The following DHX30 variants were observed in gnomAD, a reference collection of about 807,000 sequenced individuals.
DHX30 encodes ATP-dependent RNA helicase DHX30.
Under a neutral mutation model 116.9 loss-of-function variants are expected in DHX30, and 4 were observed. The ratio of observed to expected loss-of-function variants is 0.03; its 90% CI spans 0.02 to 0.08. The LOEUF (loss-of-function observed/expected upper bound fraction) is 0.08. Among genes scored for constraint, DHX30 ranks in the 10% least tolerant of loss-of-function variants. The pLI, the probability that DHX30 is intolerant of heterozygous loss-of-function variation, is 1.00. For missense variants in DHX30, 871 were observed against 1,595.1 expected (o/e 0.55, Z 7.73); for synonymous variants, 697 against 651.7 (o/e 1.07, Z -1.06).
chr3:47,824,897 A>C (rs1559698318), intron 4 of DHX30: 3 of 476,160 alleles, frequency 6.3e-6, no homozygotes, highest in African/African-American at 4.1e-5. Context: ...GTGGTGAGCG[A>C]GGACGGGCTG....
chr3:47,812,959 G>A (rs2035869291), intron 3 of DHX30, among the ~76,000 whole-genome samples: 2 of 150,634 alleles, frequency 1.3e-5, no homozygotes, highest in South Asian at 4.3e-4. Flanking sequence ...GCCACCAGCA[G>A]GAGATTACAT....
At chr3:47,819,126 C>G (rs941762927) in intron 4 of DHX30, 20 of 943,578 alleles carry the variant, frequency 2.1e-5, no homozygotes, top group Middle Eastern at 5.0e-4. Flanking sequence ...TTCTAGCCCC[C>G]TGACCATTTG....
At chr3:47,814,438 A>C (rs1174591699) in intron 3 of DHX30, among the ~76,000 whole-genome samples, 2 of 150,108 alleles carry the variant, frequency 1.3e-5, no homozygotes, top group Non-Finnish European at 3.0e-5. Flanking sequence ...ACAAAAAAAA[A>C]AAAAAAAAAA....
chr3:47,850,113 A>T lies in DHX30; in HGVS notation c.3578A>T (p.Asp1193Val). 1 of 1,588,668 alleles carries T rather than the reference A, an allele frequency of 6.3e-7. No individual in the cohort carries two copies. Residue 1193 changes from aspartate to valine, a missense_variant, in exon 22 of 22, where the codon GAC becomes GTC. This residue lies in a region of DHX30 where 52 missense variants were observed against 50.1 expected (regional missense o/e 1.04). Transcript: ENST00000445061. ...CGSFDVRKTADD is the reference protein window; with the variant it reads ...CGSFDVRKTAVD The stretch of plus-strand genomic sequence containing the variant: ...AGCTTTGATGTGCGCAAGACAGCTG[A>T]CGACTGAGCCCTGCTTCTGCTGGGG...
Position 47,849,942 on chromosome 3 carries a change from G to A in DHX30, c.3407G>A (p.Arg1136Gln), listed in dbSNP as rs372523783. ...LRLEGDSRTV[R>Q]LLKELRRALG... Reference sequence around the variant, plus strand: ...CTGGAGGGTGACTCGCGTACCGTGCGGCTGCTGAAGGAGCTGCGGCGGGCC... The same window carrying A: ...CTGGAGGGTGACTCGCGTACCGTGCAGCTGCTGAAGGAGCTGCGGCGGGCC... Residue 1136 changes from arginine (R) to glutamine (Q), a missense_variant, in exon 22 of 22, where the codon CGG becomes CAG. Physicochemically the swap from Arg to Gln is conservative, Grantham distance 43 (BLOSUM62 1). Transcript: ENST00000445061. 116 of 1,613,082 alleles carry A rather than the reference G, an allele frequency of 7.2e-5. No individual in the cohort carries two copies. The highest frequency in any genetic ancestry group is 6.4e-4 in the South Asian group (58 of 91,044).
intron 7 of DHX30, 37 bp from the exon 8 acceptor site, chr3:47,841,578 AAG>A: frequency 1.2e-6 from 2 of 1,613,762 alleles, no homozygotes; most frequent in Non-Finnish European, 1.7e-6. Flanking sequence ...TTGGTCCAGG[AAG>A]AGAGAATTCT....
chr3:47,815,911 A>G (rs1203227773), intron 3 of DHX30: 11 of 983,882 alleles, frequency 1.1e-5, no homozygotes, highest in Non-Finnish European at 1.1e-5. Flanking sequence ...GCTTAATGAG[A>G]TAATAACTAA....
chr3:47,847,063 C>T lies in DHX30; in HGVS notation c.1929+62C>T. 6.4e-7 allele frequency: 1 copy of T among 1,564,408 alleles called. No individual in the cohort carries two copies. Among genetic ancestry groups the T allele is most frequent in the Non-Finnish European group, 8.7e-7 (1 of 1,152,586 alleles). ...CTTTCCTCCGTGGATGCCCCTCCTC[C>T]CTGGCCCTGGGGCTTGGTGCCTGGG... On this transcript the variant is annotated intron_variant, in intron 11 of 21. Transcript: ENST00000445061. This position sits in a 1 kb window ranked among gnomAD's most constrained non-coding sequence, Gnocchi z 5.5.
rs1051087276 is a variant in DHX30, at chr3:47,849,444, C to T, written c.3088-7C>T. 3 of 1,570,154 alleles carry T rather than the reference C, an allele frequency of 1.9e-6. No homozygotes were observed. The highest frequency in any genetic ancestry group is 2.7e-5 in the African/African-American group (2 of 74,160). On this transcript the variant is annotated splice_region_variant and splice_polypyrimidine_tract_variant and intron_variant, in intron 19 of 21. Transcript: ENST00000445061. The stretch of plus-strand genomic sequence containing the variant: ...AGCCCCACCCGTCTTTTCCTCCATC[C>T]CTGCAGGTGAGGCAGGGCAAGGTCA...
intron 6 of DHX30, among the ~76,000 whole-genome samples, chr3:47,833,557 AAG>A (rs1553703210): frequency 3.6e-4 from 54 of 149,430 alleles, no homozygotes; most frequent in South Asian, 8.5e-4. Context: ...AAAAAAAAAA[AAG>A]AAAGAGCACC....
chr3:47,819,606 C>T (rs1476412218), intron 4 of DHX30, among the ~76,000 whole-genome samples: 2 of 152,202 alleles, frequency 1.3e-5, no homozygotes, highest in Non-Finnish European at 1.5e-5. Context: ...TTCTAGCTCC[C>T]TAGAGGCTTC....
intron 3 of DHX30, among the ~76,000 whole-genome samples, chr3:47,812,620 A>G (rs1306020245): frequency 6.6e-6 from 1 of 151,448 alleles, no homozygotes; most frequent in Non-Finnish European, 1.5e-5. Flanking sequence ...GCAAGCCATG[A>G]GGGATCCATT....
At chr3:47,832,447 T>A (rs2036903034) in intron 6 of DHX30, among the ~76,000 whole-genome samples, 1 of 152,048 alleles carries the variant, frequency 6.6e-6, no homozygotes, top group African/African-American at 2.4e-5. Flanking sequence ...GTAGCTGGGA[T>A]TACAGGCACA....
intron 1 of DHX30, among the ~76,000 whole-genome samples, chr3:47,804,326 G>A (rs1214395173): frequency 2.0e-5 from 3 of 152,106 alleles, no homozygotes; most frequent in Non-Finnish European, 4.4e-5. Context: ...AGGCCGAGGC[G>A]GGTGGATCAC....
chr3:47,841,928 A>C, intron 8 of DHX30, 191 bp downstream of exon 8: 1 of 743,582 alleles, frequency 1.3e-6, no homozygotes, highest in South Asian at 1.7e-5. Context: ...TCAGCAGCAC[A>C]GGGAGTGGGC....
chr3:47,814,072 GGTGA>G lies in DHX30; in HGVS notation c.28+3365_28+3368del, dbSNP rs576481696. ...GGTCGATGAAAGCAGGTTTTCTCATGGTGAGTGTCTCTGAATTAATAGTACTGAT... is the reference window on the plus strand; with the variant it reads ...GGTCGATGAAAGCAGGTTTTCTCATGGTGTCTCTGAATTAATAGTACTGAT... On this transcript the variant is annotated intron_variant, in intron 3 of 21. Transcript: ENST00000445061. Among the ~76,000 whole-genome samples the G allele has an allele frequency of 4.0e-5, 6 of 151,590 alleles. 1 individual carries two copies. The South Asian group carries it at 1.3e-3, about 32-fold the overall frequency.
intron 4 of DHX30, among the ~76,000 whole-genome samples, chr3:47,821,667 C>T (rs890870020): frequency 1.1e-4 from 17 of 151,902 alleles, no homozygotes; most frequent in African/African-American, 3.6e-4. Flanking sequence ...GGCGCAATGT[C>T]GGCTCACTGC....
intron 4 of DHX30, among the ~76,000 whole-genome samples, chr3:47,821,867 G>A (rs898446468): frequency 6.6e-6 from 1 of 152,190 alleles, no homozygotes; most frequent in Admixed American, 6.5e-5. Flanking sequence ...CCAAAGTGCT[G>A]GGATGACAGG....
intron 3 of DHX30, chr3:47,817,049 T>A (rs907325877): frequency 2.7e-6 from 2 of 745,814 alleles, no homozygotes; most frequent in African/African-American, 3.8e-5. Flanking sequence ...TTTCTCCTCT[T>A]TACCAATTGT....
Sources: gnomAD v4.1 joint callset for allele counts (sites outside exome capture counted in the v4.1 genomes callset) on GRCh38, gnomAD v4.1.1 for gene constraint, gnomAD v4.1.1 regional missense constraint, Gnocchi (gnomAD v3.1) non-coding constraint, MANE v1.5 for transcripts, NCBI Gene and HGNC (gene_info 2026-07-23, HGNC 2026-07-21) for gene names.